The following TTC13 variants were observed in gnomAD, a reference collection of about 807,000 sequenced individuals.
TTC13 encodes tetratricopeptide repeat protein 13.
A neutral mutation model predicts 120.0 loss-of-function variants in TTC13; 62 were observed. The ratio of observed to expected loss-of-function variants is 0.52; its 90% CI spans 0.42 to 0.64. The LOEUF (loss-of-function observed/expected upper bound fraction) is 0.64. TTC13 is among the 30% of genes least tolerant of loss of function. The pLI is 0.00. For synonymous variants in TTC13, 384 were observed against 393.5 expected (o/e 0.98, Z 0.28); for missense variants, 824 against 1,050.2 (o/e 0.78, Z 2.98).
intron 4 of TTC13, among the ~76,000 whole-genome samples, chr1:230,950,632 A>G (rs1370715255): frequency 6.6e-6 from 1 of 152,236 alleles, no homozygotes; most frequent in Non-Finnish European, 1.5e-5. Context: ...TGACGAACAC[A>G]CATATTTACA....
intron 3 of TTC13, among the ~76,000 whole-genome samples, chr1:230,957,891 G>C (rs1676250905): frequency 6.6e-6 from 1 of 152,082 alleles, no homozygotes; most frequent in Admixed American, 6.5e-5. Context: ...AGAAAAGTAG[G>C]TAGTCTGCTT....
intron 1 of TTC13, among the ~76,000 whole-genome samples, chr1:230,966,433 ATATTT>A (rs1240075541): frequency 2.3e-5 from 3 of 130,490 alleles, no homozygotes; most frequent in African/African-American, 9.5e-5. Context: ...CTTTATTTAA[ATATTT>A]TATTAAACTA....
chr1:230,909,019 C>A lies in TTC13; in HGVS notation c.2311G>T (p.Val771Leu). The A allele has an allele frequency of 6.2e-7, 1 of 1,614,010 alleles. No individual in the cohort carries two copies. Among genetic ancestry groups the A allele is most frequent in the African/African-American group, 1.3e-5 (1 of 75,050 alleles). Residue 771 changes from valine to leucine, a missense_variant and splice_region_variant, in exon 21 of 23, where the codon GTA (valine) becomes TTA (leucine). By Grantham distance (32) the Val-to-Leu change is conservative. This residue lies in a region of TTC13 where 226 missense variants were observed against 259.1 expected (regional missense o/e 0.87). Coordinates refer to ENST00000366661, the MANE Select transcript of TTC13 (RefSeq NM_024525.5). ...NLMPLSRGSSVIAYSVIVGAL... is the reference protein window; with the variant it reads ...NLMPLSRGSSLIAYSVIVGAL... ...CCCACGATGACCGAGTAAGCAATTA[C>A]ACTATTTAAATAAAGAACAAAGGTC...
chr1:230,920,485 A>T, intron 17 of TTC13, 25 bp downstream of exon 17: 1 of 1,531,914 alleles, frequency 6.5e-7, no homozygotes, highest in Non-Finnish European at 9.0e-7. Context: ...AAAAACATGG[A>T]CTGCCATTCT....
At chr1:230,970,088 A>G (rs555148477) in intron 1 of TTC13, among the ~76,000 whole-genome samples, 1 of 152,352 alleles carries the variant, frequency 6.6e-6, no homozygotes, top group African/African-American at 2.4e-5. Context: ...ACAAAGACAT[A>G]GCACAGCCGG....
At chr1:230,967,564 ACT>A (rs1475438720) in intron 1 of TTC13, among the ~76,000 whole-genome samples, 25 of 152,124 alleles carry the variant, frequency 1.6e-4, no homozygotes, top group Non-Finnish European at 2.9e-4. Context: ...TCTAAAACAA[ACT>A]CTGATTGAGG....
Position 230,931,764 on chromosome 1 carries a change from C to T in TTC13, c.1097G>A (p.Ser366Asn), listed in dbSNP as rs1673581223. The change falls in exon 10 of 23, where the codon AGC becomes AAC. Residue 366 changes from serine (S) to asparagine (N), a missense_variant. Ser to Asn is a conservative substitution (Grantham distance 46). Coordinates refer to ENST00000366661, the MANE Select transcript of TTC13 (RefSeq NM_024525.5). ...LRGMMLYHHGSLQEALKNFKR... is the reference protein window; with the variant it reads ...LRGMMLYHHGNLQEALKNFKR... Reference sequence around the variant, plus strand: ...AAAGTTCTTAAGGGCTTCCTGTAAGCTGCCGTGGTGGTAGAGCATCATTCC... The same window carrying T: ...AAAGTTCTTAAGGGCTTCCTGTAAGTTGCCGTGGTGGTAGAGCATCATTCC... The T allele has an allele frequency of 2.5e-6, 4 of 1,614,136 alleles. No individual in the cohort carries two copies. The highest frequency in any genetic ancestry group is 3.4e-6 in the Non-Finnish European group (4 of 1,180,020).
intron 17 of TTC13, 106 bp downstream of exon 17, chr1:230,920,404 G>A (rs751881939): frequency 4.2e-5 from 33 of 793,018 alleles, no homozygotes; most frequent in East Asian, 4.2e-4. Flanking sequence ...GTGTTCATAC[G>A]AGTGATTTCA....
rs1392380272 is a variant in TTC13, at chr1:230,942,696, GA to G, written c.672+1109del. Among the ~76,000 whole-genome samples, 1 of 152,098 alleles carries G rather than the reference GA, an allele frequency of 6.6e-6. No individual in the cohort carries two copies. The highest frequency in any genetic ancestry group is 1.5e-5 in the Non-Finnish European group (1 of 68,000). On this transcript the variant is annotated intron_variant, in intron 6 of 22. Coordinates refer to ENST00000366661, the MANE Select transcript of TTC13 (RefSeq NM_024525.5). The surrounding 1 kb of genome is among the most constrained non-coding windows in gnomAD (Gnocchi z 4.0). ...AAGCCTAGATAGCTTATTATTTTAA[GA>G]AAGTAAAACAAACACATTTCACTTA...
intron 2 of TTC13, among the ~76,000 whole-genome samples, chr1:230,959,017 T>C (rs1367948272): frequency 7.9e-5 from 12 of 152,160 alleles, no homozygotes; most frequent in Admixed American, 4.6e-4. Flanking sequence ...AATAATTGCT[T>C]AGATGGCTTG....
At chr1:230,922,739 C>T (rs1672696472) in intron 15 of TTC13, among the ~76,000 whole-genome samples, 1 of 152,172 alleles carries the variant, frequency 6.6e-6, no homozygotes, top group South Asian at 2.1e-4. Context: ...CACCCCTTCT[C>T]CAGGTTCCCA....
chr1:230,926,279 T>C lies in TTC13; in HGVS notation c.1458-632A>G, dbSNP rs116798808. On this transcript the variant is annotated intron_variant, in intron 12 of 22. Coordinates refer to ENST00000366661, the MANE Select transcript of TTC13 (RefSeq NM_024525.5). Reference sequence around the variant, plus strand: ...AAAACCGGCAGAGGGAAGAGGCACATTGGGAGAAGTCTGGAGGAAACCAGT... The same window carrying C: ...AAAACCGGCAGAGGGAAGAGGCACACTGGGAGAAGTCTGGAGGAAACCAGT... Among the ~76,000 whole-genome samples, 410 of 152,152 alleles carry C rather than the reference T, an allele frequency of 2.7e-3. 2 individuals carry two copies. The highest frequency in any genetic ancestry group is 9.3e-3 in the African/African-American group (388 of 41,512).
At chr1:230,955,714 A>G (rs1676020082) in intron 3 of TTC13, among the ~76,000 whole-genome samples, 1 of 151,980 alleles carries the variant, frequency 6.6e-6, no homozygotes, top group South Asian at 2.1e-4. Context: ...AGAAACAGAA[A>G]CGAAATGCAG....
intron 18 of TTC13, among the ~76,000 whole-genome samples, chr1:230,915,477 A>G (rs907626540): frequency 6.6e-6 from 1 of 152,210 alleles, no homozygotes; most frequent in East Asian, 1.9e-4. Context: ...AAAAATGTTT[A>G]CTGCAGTGCT....
intron 8 of TTC13, chr1:230,936,019 G>A (rs1674018186): frequency 1.1e-5 from 4 of 360,554 alleles, no homozygotes; most frequent in Admixed American, 3.7e-5. Context: ...ACCAAGTAAG[G>A]AAGTACAGGA....
chr1:230,970,970 G>T (rs1006842139), intron 1 of TTC13, among the ~76,000 whole-genome samples: 2 of 152,196 alleles, frequency 1.3e-5, no homozygotes, highest in Non-Finnish European at 1.5e-5. Context: ...TCTTGTGGCT[G>T]AAAGAACTAC....
rs972943785 is a variant in TTC13, at chr1:230,975,585, A to G, written c.271+2975T>C. Among the ~76,000 whole-genome samples the G allele has an allele frequency of 3.9e-5, 6 of 152,312 alleles. 1 individual carries two copies. Among genetic ancestry groups the G allele is most frequent in the South Asian group, 4.1e-4 (2 of 4,830 alleles). ...TTAAAATATGTACAATACAGTGTTCATTTTTTTAAAATAATATTTTTTCTC... is the reference window on the plus strand; with the variant it reads ...TTAAAATATGTACAATACAGTGTTCGTTTTTTTAAAATAATATTTTTTCTC... On this transcript the variant is annotated intron_variant, in intron 1 of 22. Coordinates refer to ENST00000366661, the MANE Select transcript of TTC13 (RefSeq NM_024525.5).
Position 230,907,017 on chromosome 1 carries a change from A to G in TTC13, c.2471T>C (p.Ile824Thr). 1 of 1,477,572 alleles carries G rather than the reference A, an allele frequency of 6.8e-7. No individual in the cohort carries two copies. The highest frequency in any genetic ancestry group is 9.0e-7 in the Non-Finnish European group (1 of 1,107,632). The allele number at this position is 1,477,572 out of a possible 1,614,324, so 91.5% of individuals were successfully genotyped here. A position where few individuals can be genotyped will look rare whatever the true frequency, so the allele number is the denominator to read the frequency against. The change falls in exon 23 of 23, where the codon ATT becomes ACT. Residue 824 changes from isoleucine (I) to threonine (T), a missense_variant and splice_region_variant. Coordinates refer to ENST00000366661, the MANE Select transcript of TTC13 (RefSeq NM_024525.5). ...VAKSWMNLKS[I>T]SPSYKTLPSV... ...TGGAAGAGTCTTATAAGAAGGTGAA[A>G]TACTGAAAAAGAAAAACACAAAGTA...
At chr1:230,972,844 A>G (rs1416402483) in intron 1 of TTC13, among the ~76,000 whole-genome samples, 1 of 152,256 alleles carries the variant, frequency 6.6e-6, no homozygotes, top group African/African-American at 2.4e-5. Flanking sequence ...GGCTTATGCT[A>G]TAAAATGCTA....
Sources: gnomAD v4.1 joint callset for allele counts (sites outside exome capture counted in the v4.1 genomes callset) on GRCh38, gnomAD v4.1.1 for gene constraint, gnomAD v4.1.1 regional missense constraint, Gnocchi (gnomAD v3.1) non-coding constraint, MANE v1.5 for transcripts, NCBI Gene and HGNC (gene_info 2026-07-23, HGNC 2026-07-21) for gene names.